Variants in CSMD1 observed in about 807,000 individuals in gnomAD.
CSMD1 encodes the protein CUB and sushi domain-containing protein 1.
A neutral mutation model predicts 417.5 loss-of-function variants in CSMD1; 213 were observed. The ratio of observed to expected loss-of-function variants is 0.51; its 90% CI spans 0.46 to 0.57. The LOEUF is 0.57. Among genes scored for constraint, CSMD1 ranks in the 20% least tolerant of loss-of-function variants. CSMD1 has a pLI of 0.00. For missense variants in CSMD1, 6,923 were observed against 4,529.7 expected (o/e 1.53, Z -15.17); for synonymous variants, 2,862 against 1,736.8 (o/e 1.65, Z -16.11).
At chr8:3,928,211 C>T (rs1486497645) in intron 5 of CSMD1, among the ~76,000 whole-genome samples, 1 of 152,066 alleles carries the variant, frequency 6.6e-6, no homozygotes, top group African/African-American at 2.4e-5. Flanking sequence ...TGTAATAATA[C>T]TGAAAGGAAA....
chr8:4,179,033 C>T (rs1798209880), intron 3 of CSMD1, among the ~76,000 whole-genome samples: 1 of 151,972 alleles, frequency 6.6e-6, no homozygotes, highest in Non-Finnish European at 1.5e-5. Flanking sequence ...ATGCCATCCC[C>T]ATCAAGCTAC....
At chr8:3,390,913 T>C (rs1227230293) in intron 17 of CSMD1, among the ~76,000 whole-genome samples, 6 of 152,074 alleles carry the variant, frequency 3.9e-5, no homozygotes, top group Admixed American at 3.3e-4. Flanking sequence ...GGTTTCAAAA[T>C]AGAGGTTGAA....
chr8:3,918,337 T>A (rs1393197681), intron 5 of CSMD1, among the ~76,000 whole-genome samples: 1 of 152,056 alleles, frequency 6.6e-6, no homozygotes, highest in Admixed American at 6.6e-5. Context: ...ACAGAGTTCC[T>A]TACTCCCCAC....
At chr8:3,786,839 T>C (rs1255763367) in intron 5 of CSMD1, among the ~76,000 whole-genome samples, 1 of 152,098 alleles carries the variant, frequency 6.6e-6, no homozygotes, top group African/African-American at 2.4e-5. Flanking sequence ...CTGGCTCTTG[T>C]TATAAAGGCA....
intron 23 of CSMD1, among the ~76,000 whole-genome samples, chr8:3,327,144 C>T (rs1806584407): frequency 8.1e-6 from 1 of 123,358 alleles, no homozygotes; most frequent in South Asian, 2.5e-4. Context: ...TTTACAATAC[C>T]ATCTTTTTTT....
chr8:4,204,980 T>G (rs1191106976), intron 3 of CSMD1, among the ~76,000 whole-genome samples: 2 of 152,166 alleles, frequency 1.3e-5, no homozygotes, highest in African/African-American at 4.8e-5. Context: ...GTTTTCTTAT[T>G]ATAATAAGAA....
intron 3 of CSMD1, among the ~76,000 whole-genome samples, chr8:4,050,699 C>T (rs1165947863): frequency 1.3e-5 from 2 of 151,924 alleles, no homozygotes; most frequent in Non-Finnish European, 2.9e-5. Context: ...CCATCCAAGC[C>T]CCAACCTCAA....
intron 1 of CSMD1, among the ~76,000 whole-genome samples, chr8:4,676,117 C>A (rs1242169715): frequency 6.6e-6 from 1 of 152,110 alleles, no homozygotes; most frequent in African/African-American, 2.4e-5. Context: ...TTACACAATT[C>A]TGCTATGCAT....
intron 3 of CSMD1, among the ~76,000 whole-genome samples, chr8:4,037,798 T>A (rs553144913): frequency 3.3e-5 from 5 of 152,104 alleles, no homozygotes; most frequent in African/African-American, 1.2e-4. Flanking sequence ...CCATTCCAGG[T>A]TGGAATTGAA....
chr8:3,313,789 TAAATCATGCTTCTATAAG>T (rs1215124764), intron 23 of CSMD1, among the ~76,000 whole-genome samples: 1 of 152,206 alleles, frequency 6.6e-6, no homozygotes, highest in Non-Finnish European at 1.5e-5. Context: ...CAAAGGATTA[TAAATCATGCTTCTATAAG>T]GAAACATGCA....
intron 20 of CSMD1, among the ~76,000 whole-genome samples, chr8:3,364,341 C>A (rs896463087): frequency 6.6e-6 from 1 of 152,140 alleles, no homozygotes; most frequent in Non-Finnish European, 1.5e-5. Context: ...TTGTGTGCAA[C>A]TGTCTAGATG....
At chr8:3,508,017 T>C (rs534847796) in intron 10 of CSMD1, among the ~76,000 whole-genome samples, 16 of 152,306 alleles carry the variant, frequency 1.1e-4, no homozygotes, top group Non-Finnish European at 1.5e-4. Context: ...TTTTATTAGA[T>C]CCCATTTGTC....
At chr8:4,323,309 C>G (rs921297734) in intron 3 of CSMD1, among the ~76,000 whole-genome samples, 5 of 152,232 alleles carry the variant, frequency 3.3e-5, no homozygotes, top group South Asian at 2.1e-4. Flanking sequence ...CAGTCTTACT[C>G]TATATAGTAC....
rs1197221012 is a variant in CSMD1 at position 4,784,845 on chromosome 8, G to C, written c.86-147287C>G. On this transcript the variant is annotated intron_variant, in intron 1 of 69. Transcript: ENST00000635120. Reference sequence around the variant, plus strand: ...GTTGGCAGGAAGACTAGAAGGATATGATTCCATTAAAACTAAATTTGCTGA... The same window carrying C: ...GTTGGCAGGAAGACTAGAAGGATATCATTCCATTAAAACTAAATTTGCTGA... Among the ~76,000 whole-genome samples the C allele has an allele frequency of 3.3e-5, 5 of 152,200 alleles. No homozygotes were observed. In the East Asian group the frequency reaches 9.6e-4, roughly 29 times the overall value.
intron 2 of CSMD1, among the ~76,000 whole-genome samples, chr8:4,427,536 G>A (rs918570275): frequency 6.6e-6 from 1 of 151,800 alleles, no homozygotes; most frequent in South Asian, 2.1e-4. Flanking sequence ...CACACACAGT[G>A]AATCATGTGA....
At chr8:4,368,374 C>T (rs1012663015) in intron 3 of CSMD1, among the ~76,000 whole-genome samples, 1 of 152,084 alleles carries the variant, frequency 6.6e-6, no homozygotes, top group African/African-American at 2.4e-5. Context: ...TCATCTGCTG[C>T]TGGATTCAGT....
At chr8:4,647,554 T>C (rs999763576) in intron 1 of CSMD1, among the ~76,000 whole-genome samples, 7 of 152,050 alleles carry the variant, frequency 4.6e-5, no homozygotes, top group Non-Finnish European at 7.4e-5. Flanking sequence ...CTCCTCTAAG[T>C]TCCCTCCCCT....
At chr8:3,329,559 C>A (rs1806759554) in intron 23 of CSMD1, among the ~76,000 whole-genome samples, 1 of 152,204 alleles carries the variant, frequency 6.6e-6, no homozygotes, top group Non-Finnish European at 1.5e-5. Context: ...AAGGCCTATG[C>A]AATCACAGAC....
At chr8:3,859,476 G>A (rs2975369) in intron 5 of CSMD1, among the ~76,000 whole-genome samples, 5 of 152,186 alleles carry the variant, frequency 3.3e-5, no homozygotes, top group South Asian at 2.1e-4. Context: ...TTTCTGGGAG[G>A]AGAATCTTTG....
Sources: gnomAD v4.1 joint callset for allele counts (sites outside exome capture counted in the v4.1 genomes callset) on GRCh38, gnomAD v4.1.1 for gene constraint, MANE v1.5 for transcripts, NCBI Gene and HGNC (gene_info 2026-07-23, HGNC 2026-07-21) for gene names.